SNW1: variants seen among roughly 807,000 people sequenced by gnomAD.
The protein encoded by SNW1 is SNW domain-containing protein 1.
SNW1 carries 9 observed loss-of-function variants against 75.6 expected under a neutral mutation model. The ratio of observed to expected loss-of-function variants is 0.12; its 90% CI spans 0.07 to 0.21. SNW1 has a LOEUF of 0.21. Ranked by LOEUF, SNW1 falls within the 10% of genes least tolerant of loss-of-function variation. The pLI is 1.00. For synonymous variants in SNW1, 200 were observed against 219.1 expected, an observed-to-expected ratio of 0.91 and a Z score of 0.77; for missense variants, 409 against 670.9, an observed-to-expected ratio of 0.61 and a Z score of 4.31.
intron 1 of SNW1, among the ~76,000 whole-genome samples, chr14:77,756,878 TCAAA>T (rs1265457273): frequency 3.9e-5 from 6 of 152,072 alleles, no homozygotes; most frequent in South Asian, 2.1e-4. Flanking sequence ...AAACTCCATC[TCAAA>T]CAAACAAACA....
At chr14:77,739,828 TTAAAG>T (rs1171085086) in intron 3 of SNW1, among the ~76,000 whole-genome samples, 1 of 151,990 alleles carries the variant, frequency 6.6e-6, no homozygotes, top group Non-Finnish European at 1.5e-5. Context: ...ATGGCATATT[TTAAAG>T]TAAAAAAGAG....
intron 3 of SNW1, among the ~76,000 whole-genome samples, chr14:77,744,065 T>C (rs1408615692): frequency 6.6e-6 from 1 of 151,064 alleles, no homozygotes; most frequent in Non-Finnish European, 1.5e-5. Context: ...TCCCATCACT[T>C]TGGGAGGTTG....
chr14:77,745,325 T>G (rs533133410), intron 3 of SNW1, among the ~76,000 whole-genome samples: 12 of 152,088 alleles, frequency 7.9e-5, no homozygotes, highest in Non-Finnish European at 1.8e-4. Context: ...AAAAAGAATA[T>G]CCATGGGAAG....
In SNW1 at chr14:77,755,202, A is replaced by G. The variant is rs2080835240; in HGVS notation, c.15-82T>C. ...CCACTGCAACTTGGCCACAGAGACA[A>G]TTTTTCCTACGATGCTTTTACTTTT... On this transcript the variant is annotated intron_variant, in intron 1 of 13. Transcript: ENST00000261531. 4.8e-6 allele frequency: 6 copies of G among 1,250,208 alleles called. No homozygotes were observed. The Admixed American group carries it at 9.6e-5, about 20-fold the overall frequency. 77.4% of individuals were successfully genotyped at this position (1,250,208 alleles called of 1,614,324 possible). A position where few individuals can be genotyped will look rare whatever the true frequency, so the allele number is the denominator to read the frequency against.
At position 77,751,341 on chromosome 14, in the gene SNW1, C is replaced by T. The variant is rs751392334; in HGVS notation, c.308G>A (p.Arg103Gln). The change falls in exon 3 of 14, where the codon CGA (arginine) becomes CAA (glutamine). Residue 103 changes from arginine (R) to glutamine (Q), a missense_variant. Arg to Gln is a conservative substitution (Grantham distance 43). This residue lies in a region of SNW1 where 60 missense variants were observed against 62.6 expected (regional missense o/e 0.96). Transcript: ENST00000261531. The stretch of plus-strand genomic sequence containing the variant: ...TACCTTGTCTTTTGACTGTCCTTGT[C>T]GAGCAATTGCATCATATTTAATTTT... The part of the protein sequence containing the change: ...EGKIKYDAIA[R>Q]QGQSKDKVIY... 9.9e-6 allele frequency: 16 copies of T among 1,612,656 alleles called. No homozygotes were observed. Among genetic ancestry groups the T allele is most frequent in the African/African-American group, 9.4e-5 (7 of 74,866 alleles).
intron 11 of SNW1, 107 bp downstream of exon 11, chr14:77,723,071 TCTC>T (rs1343524102): frequency 4.9e-5 from 39 of 798,818 alleles, no homozygotes; most frequent in African/African-American, 4.2e-4. Flanking sequence ...ATGGTCTCGA[TCTC>T]CTGACCTCGT....
chr14:77,718,323 T>G, intron 13 of SNW1, 37 bp from the exon 14 acceptor site: 1 of 1,614,210 alleles, frequency 6.2e-7, no homozygotes, highest in Non-Finnish European at 8.5e-7. Context: ...ACTACTTTGC[T>G]TTCACCAGTG....
At chr14:77,745,332 G>A (rs918522091) in intron 3 of SNW1, among the ~76,000 whole-genome samples, 9 of 152,178 alleles carry the variant, frequency 5.9e-5, no homozygotes, top group Non-Finnish European at 1.2e-4. Context: ...ATATCCATGG[G>A]AAGTCTCAAG....
chr14:77,759,290 G>A (rs1320733725), intron 1 of SNW1, among the ~76,000 whole-genome samples: 1 of 152,040 alleles, frequency 6.6e-6, no homozygotes, highest in Non-Finnish European at 1.5e-5. Context: ...GGGTAGATCA[G>A]ATCAGTTAAG....
chr14:77,732,668 A>C, intron 8 of SNW1, 67 bp from the exon 9 acceptor site: 1 of 953,426 alleles, frequency 1.0e-6, no homozygotes, highest in East Asian at 2.4e-5. Context: ...AAGTTAAATT[A>C]ATTTTATTTT....
At chr14:77,754,881 G>C in intron 2 of SNW1, 86 bp downstream of exon 2, 2 of 1,182,898 alleles carry the variant, frequency 1.7e-6, no homozygotes, top group Non-Finnish European at 2.3e-6. Flanking sequence ...CATAATCAGA[G>C]GTTCTAACAT....
chr14:77,717,779 AC>A lies in SNW1; in HGVS notation c.*308del. Reference sequence around the variant, plus strand: ...ACTTTACTCATATGCAGCTGTTCTTACACAAAACATTAACCCCAAACTACTA... The same window carrying A: ...ACTTTACTCATATGCAGCTGTTCTTAACAAAACATTAACCCCAAACTACTA... On this transcript the variant is annotated 3_prime_UTR_variant, in exon 14 of 14. Transcript: ENST00000261531. The A allele has an allele frequency of 1.7e-6, 1 of 598,718 alleles. No homozygotes were observed. Among genetic ancestry groups the A allele is most frequent in the Non-Finnish European group, 2.9e-6 (1 of 340,564 alleles). The allele number at this position is 598,718 out of a possible 1,614,324, so 37.1% of individuals were successfully genotyped here.
intron 3 of SNW1, among the ~76,000 whole-genome samples, chr14:77,749,907 G>T (rs765851276): frequency 3.3e-5 from 5 of 151,900 alleles, no homozygotes; most frequent in Non-Finnish European, 5.9e-5. Context: ...CATATGGCAA[G>T]ATCAGGTGTA....
At chr14:77,728,067 A>AAT (rs2080599361) in intron 10 of SNW1, among the ~76,000 whole-genome samples, 1 of 151,560 alleles carries the variant, frequency 6.6e-6, no homozygotes, top group African/African-American at 2.4e-5. Context: ...AAAAAAAAAA[A>AAT]TTAGTGTAGA....
chr14:77,760,928 C>A (rs2080885387), intron 1 of SNW1, 186 bp downstream of exon 1: 10 of 1,383,718 alleles, frequency 7.2e-6, no homozygotes, highest in South Asian at 6.0e-5. Context: ...CGGGAAACCG[C>A]TGAAAGACCC....
Position 77,751,382 on chromosome 14 carries a change from C to T in SNW1, c.267G>A (p.Gln89=). 1 of 1,613,868 alleles carries T rather than the reference C, an allele frequency of 6.2e-7. No individual in the cohort carries two copies. Among genetic ancestry groups the T allele is most frequent in the Non-Finnish European group, 8.5e-7 (1 of 1,179,876 alleles). Residue 89 remains glutamine (Q), a synonymous_variant, in exon 3 of 14, where the codon CAG becomes CAA. Coordinates refer to ENST00000261531, the MANE Select transcript of SNW1 (RefSeq NM_012245.3). ...ATTTAATTTTTCCTTCAGAATCCAC[C>T]TGAATGGCCAGCGCATTCGACATTT... ...KKKMSNALAI[Q]VDSEGKIKYD...
At chr14:77,722,698 G>T (rs2080551475) in intron 11 of SNW1, 1 of 360,504 alleles carries the variant, frequency 2.8e-6, no homozygotes, top group Non-Finnish European at 5.4e-6. Context: ...AGACAAAGTA[G>T]TTAAGTACAA....
Position 77,739,073 on chromosome 14 carries a change from A to C in SNW1, c.331-12T>G. 1 of 1,593,750 alleles carries C rather than the reference A, an allele frequency of 6.3e-7. No individual in the cohort carries two copies. The highest frequency in any genetic ancestry group is 8.6e-7 in the Non-Finnish European group (1 of 1,162,500). On this transcript the variant is annotated splice_polypyrimidine_tract_variant and intron_variant, in intron 3 of 13. Transcript: ENST00000261531. ...TTGCTATAAATGACCTAAAATGTTCAAACACAAGCAGGCTTAAGAAAAGCA... is the reference window on the plus strand; with the variant it reads ...TTGCTATAAATGACCTAAAATGTTCCAACACAAGCAGGCTTAAGAAAAGCA...
chr14:77,759,965 A>G (rs1428446091), intron 1 of SNW1, among the ~76,000 whole-genome samples: 1 of 148,720 alleles, frequency 6.7e-6, no homozygotes, highest in Non-Finnish European at 1.5e-5. Context: ...AAATAAAGTT[A>G]AAAAAAAAAG....
Sources: gnomAD v4.1 joint callset for allele counts (sites outside exome capture counted in the v4.1 genomes callset) on GRCh38, gnomAD v4.1.1 for gene constraint, gnomAD v4.1.1 regional missense constraint, MANE v1.5 for transcripts, NCBI Gene and HGNC (gene_info 2026-07-23, HGNC 2026-07-21) for gene names.